The following ACVR1B variants were observed in gnomAD, a reference collection of about 807,000 sequenced individuals.
ACVR1B encodes activin A receptor type 1B.
A neutral mutation model predicts 55.6 loss-of-function variants in ACVR1B; 15 were observed. That is an observed-to-expected ratio of 0.27 (90% CI 0.18 to 0.42). ACVR1B has a LOEUF of 0.42. ACVR1B is among the 10% of genes least tolerant of loss of function. ACVR1B has a pLI of 1.00. For missense variants in ACVR1B, 359 were observed against 670.1 expected (o/e 0.54, Z 5.13); for synonymous variants, 247 against 254.6 (o/e 0.97, Z 0.28).
intron 1 of ACVR1B, among the ~76,000 whole-genome samples, chr12:51,967,039 G>C (rs1485034027): frequency 6.6e-6 from 1 of 151,988 alleles, no homozygotes; most frequent in African/African-American, 2.4e-5. Flanking sequence ...AGGAGATCGA[G>C]ACCATCCTGG....
At chr12:51,962,832 C>T (rs535072074) in intron 1 of ACVR1B, among the ~76,000 whole-genome samples, 62 of 152,326 alleles carry the variant, frequency 4.1e-4, no homozygotes, top group African/African-American at 1.2e-3. Context: ...GCAACTCTGG[C>T]AGAGGCCCCT....
At chr12:51,952,071 C>G (rs904635447) in intron 1 of ACVR1B, among the ~76,000 whole-genome samples, 2 of 152,078 alleles carry the variant, frequency 1.3e-5, no homozygotes, top group Admixed American at 6.5e-5. Flanking sequence ...CTGTTCCAGG[C>G]GGAACTGGAT....
chr12:51,976,611 G>A (rs1174953667), intron 3 of ACVR1B, 36 bp downstream of exon 3: 2 of 1,607,164 alleles, frequency 1.2e-6, no homozygotes, highest in Non-Finnish European at 8.5e-7. Flanking sequence ...TCTGTGGTTG[G>A]CTTTCATCAG....
chr12:51,982,781 G>T, intron 4 of ACVR1B: 1 of 1,529,388 alleles, frequency 6.5e-7, no homozygotes, highest in Non-Finnish European at 8.7e-7. Context: ...GGGAGGAAGG[G>T]GAAGAGCAAG....
chr12:51,977,252 A>G (rs553091507), intron 3 of ACVR1B, among the ~76,000 whole-genome samples: 1 of 152,340 alleles, frequency 6.6e-6, no homozygotes, highest in East Asian at 1.9e-4. Context: ...TCAGCTAGCT[A>G]TTAAATGTGA....
intron 7 of ACVR1B, among the ~76,000 whole-genome samples, chr12:51,988,792 C>T (rs996569157): frequency 4.6e-5 from 7 of 152,176 alleles, no homozygotes; most frequent in African/African-American, 1.4e-4. Context: ...GTAACTACCC[C>T]TTAGATAATT....
At chr12:51,963,238 T>C (rs912178120) in intron 1 of ACVR1B, among the ~76,000 whole-genome samples, 1 of 149,156 alleles carries the variant, frequency 6.7e-6, no homozygotes, top group African/African-American at 2.6e-5. Flanking sequence ...TATTTATTTA[T>C]TTTTTATGTA....
intron 7 of ACVR1B, among the ~76,000 whole-genome samples, chr12:51,988,399 C>T (rs1256862135): frequency 2.6e-5 from 4 of 152,140 alleles, no homozygotes; most frequent in African/African-American, 4.8e-5. Context: ...ACCCTGGAGG[C>T]GGAGTTTGCA....
chr12:51,984,534 T>G (rs1358610661), intron 5 of ACVR1B, among the ~76,000 whole-genome samples: 1 of 152,226 alleles, frequency 6.6e-6, no homozygotes, highest in Non-Finnish European at 1.5e-5. Context: ...AGTTTAGTGA[T>G]TTCCATGTTC....
At chr12:51,961,280 T>G (rs1288995786) in intron 1 of ACVR1B, among the ~76,000 whole-genome samples, 1 of 152,254 alleles carries the variant, frequency 6.6e-6, no homozygotes, top group Admixed American at 6.5e-5. Context: ...ATGTTTCAAG[T>G]ACTTAATAAG....
chr12:51,976,640 T>G (rs985848244), intron 3 of ACVR1B, 65 bp downstream of exon 3: 18 of 1,588,134 alleles, frequency 1.1e-5, no homozygotes, highest in Admixed American at 1.7e-5. Flanking sequence ...CAGGATAGAG[T>G]GCTTGTAGAG....
At chr12:51,983,699 C>T (rs1218610247) in intron 4 of ACVR1B, among the ~76,000 whole-genome samples, 1 of 152,234 alleles carries the variant, frequency 6.6e-6, no homozygotes, top group African/African-American at 2.4e-5. Context: ...TATGCCTCCT[C>T]TTTCCTGAGT....
chr12:51,986,332 C>T (rs893870421), intron 6 of ACVR1B, among the ~76,000 whole-genome samples: 2 of 152,256 alleles, frequency 1.3e-5, no homozygotes, highest in Admixed American at 1.3e-4. Context: ...AGTCATGGCT[C>T]ACTGCAGCCT....
intron 1 of ACVR1B, among the ~76,000 whole-genome samples, chr12:51,961,755 T>C (rs957028360): frequency 6.6e-6 from 1 of 152,232 alleles, no homozygotes; most frequent in Non-Finnish European, 1.5e-5. Context: ...GTATGTTTAT[T>C]CAGACTCAAC....
chr12:51,993,920 G>A, intron 8 of ACVR1B, 65 bp from the exon 9 acceptor site: 1 of 1,592,580 alleles, frequency 6.3e-7, no homozygotes, highest in South Asian at 1.1e-5. Flanking sequence ...ATGAGTGAGA[G>A]CCTAGGGACC....
intron 1 of ACVR1B, among the ~76,000 whole-genome samples, chr12:51,958,810 AC>A (rs1198776063): frequency 6.6e-6 from 1 of 152,090 alleles, no homozygotes; most frequent in Admixed American, 6.5e-5. Flanking sequence ...GAGCTCAGGT[AC>A]CCGCCTGCCA....
intron 1 of ACVR1B, among the ~76,000 whole-genome samples, chr12:51,963,974 T>C (rs796405940): frequency 1.3e-5 from 2 of 152,366 alleles, no homozygotes; most frequent in African/African-American, 4.8e-5. Flanking sequence ...CATATTGTTA[T>C]GGCCTTCCTA....
chr12:51,964,997 CA>C (rs149554452), intron 1 of ACVR1B, among the ~76,000 whole-genome samples: 1 of 149,472 alleles, frequency 6.7e-6, no homozygotes, highest in East Asian at 1.9e-4. Flanking sequence ...TGGAAAAAAA[CA>C]AAAAAAAGGC....
At chr12:51,988,930 C>G (rs1255209497) in intron 7 of ACVR1B, among the ~76,000 whole-genome samples, 1 of 152,080 alleles carries the variant, frequency 6.6e-6, no homozygotes. Flanking sequence ...CCAGCTTGGG[C>G]TACATGGTGA....
Sources: gnomAD v4.1 joint callset for allele counts (sites outside exome capture counted in the v4.1 genomes callset) on GRCh38, gnomAD v4.1.1 for gene constraint, MANE v1.5 for transcripts, NCBI Gene and HGNC (gene_info 2026-07-23, HGNC 2026-07-21) for gene names.